Variants in AXIN2 observed in about 807,000 individuals in gnomAD.
AXIN2 encodes axin-2.
Under a neutral mutation model 74.7 loss-of-function variants are expected in AXIN2, and 21 were observed. That is an observed-to-expected ratio of 0.28 (90% CI 0.20 to 0.40). The LOEUF is 0.40. Ranked by LOEUF, AXIN2 falls within the 10% of genes least tolerant of loss-of-function variation. The pLI is 1.00. For missense variants in AXIN2, 1,144 were observed against 1,111.1 expected (o/e 1.03, Z -0.42); for synonymous variants, 532 against 454.9 (o/e 1.17, Z -2.16).
At chr17:65,549,333 A>T (rs1013771817) in intron 3 of AXIN2, among the ~76,000 whole-genome samples, 187 bp downstream of exon 3, 3 of 152,206 alleles carry the variant, frequency 2.0e-5, no homozygotes, top group African/African-American at 4.8e-5. Flanking sequence ...TACCCTACCC[A>T]GATGACCATG....
chr17:65,551,645 T>A (rs902141181), intron 2 of AXIN2, among the ~76,000 whole-genome samples: 1 of 151,960 alleles, frequency 6.6e-6, no homozygotes, highest in South Asian at 2.1e-4. Flanking sequence ...GAAAAGAAGG[T>A]AGGAGAGGCA....
chr17:65,549,020 T>G (rs2044154644), intron 3 of AXIN2, among the ~76,000 whole-genome samples: 2 of 152,102 alleles, frequency 1.3e-5, no homozygotes, highest in Non-Finnish European at 1.5e-5. Flanking sequence ...ACACTGTGGC[T>G]CTTTAGAGAT....
In AXIN2 at chr17:65,537,003, G is replaced by A. The variant is rs1413003297; in HGVS notation, c.1773C>T (p.Ala591=). The A allele has an allele frequency of 6.2e-7, 1 of 1,611,704 alleles. No homozygotes were observed. Among genetic ancestry groups the A allele is most frequent in the East Asian group, 2.2e-5 (1 of 44,866 alleles). Residue 591 remains alanine (A), a synonymous_variant, in exon 7 of 11, where the codon GCC becomes GCT. Coordinates refer to ENST00000307078, the MANE Select transcript of AXIN2 (RefSeq NM_004655.4). ...RNGKGTEPGL[A]LPAREGGAPG... ...GGGCCCCTCCTTCCCTGGCGGGCAG[G>A]GCCAGGCCCGGCTCCGTGCCTTTCC...
intron 2 of AXIN2, among the ~76,000 whole-genome samples, chr17:65,550,538 G>A (rs1239622700): frequency 6.6e-6 from 1 of 152,162 alleles, no homozygotes; most frequent in Non-Finnish European, 1.5e-5. Context: ...GCGGGGAGGG[G>A]CAGATAGGTC....
At chr17:65,551,809 A>AGAGGAGCCG (rs1567764674) in intron 2 of AXIN2, among the ~76,000 whole-genome samples, 3 of 152,342 alleles carry the variant, frequency 2.0e-5, no homozygotes, top group Non-Finnish European at 2.9e-5. Context: ...AGGCCTTGTC[A>AGAGGAGCCG]GACTTGGCCA....
chr17:65,556,260 C>T (rs2044265396), intron 2 of AXIN2, among the ~76,000 whole-genome samples: 2 of 152,278 alleles, frequency 1.3e-5, no homozygotes, highest in African/African-American at 4.8e-5. Context: ...TCAGGAGGCC[C>T]CTGGAGAAGC....
rs967951809 is a variant in AXIN2, at chr17:65,559,705, G to A, written c.-116-969C>T. On this transcript the variant is annotated intron_variant, in intron 1 of 10. Transcript: ENST00000307078. Reference sequence around the variant, plus strand: ...ATTTCAAGCCTGTCTTTTTTCCAAAGAAAAAAGTCTTATCTAACCAATAAA... The same window carrying A: ...ATTTCAAGCCTGTCTTTTTTCCAAAAAAAAAAGTCTTATCTAACCAATAAA... 1.7e-4 allele frequency among the ~76,000 whole-genome samples: 26 copies of A among 152,244 alleles called. No individual in the cohort carries two copies. The East Asian group carries it at 5.0e-3, about 29-fold the overall frequency.
In AXIN2 at chr17:65,561,576, G is replaced by GCAGCCGGCTC. The variant is rs1445382694; in HGVS notation, c.-253_-244dup. 6.6e-6 allele frequency: 1 copy of GCAGCCGGCTC among 151,374 alleles called. No individual in the cohort carries two copies. The highest frequency in any genetic ancestry group is 6.6e-5 in the Admixed American group (1 of 15,154). The allele number at this position is 151,374 out of a possible 1,614,324, so 9.4% of individuals were successfully genotyped here. ...TGAGTTGCCAGGACCTTATCAAAGC[G>GCAGCCGGCTC]CAGCCGGCTCCAGCCGACTCCCCCG... On this transcript the variant is annotated 5_prime_UTR_variant, in exon 1 of 11. Coordinates refer to ENST00000307078, the MANE Select transcript of AXIN2 (RefSeq NM_004655.4).
chr17:65,549,679 A>C lies in AXIN2; in HGVS notation c.816-19T>G. 1 of 1,584,618 alleles carries C rather than the reference A, an allele frequency of 6.3e-7. No homozygotes were observed. The highest frequency in any genetic ancestry group is 1.2e-5 in the South Asian group (1 of 86,732). On this transcript the variant is annotated intron_variant, in intron 2 of 10. Transcript: ENST00000307078. Reference sequence around the variant, plus strand: ...GAAGGACCTATGGGCAAAGTACAAAAGTGGTTCAGTCACTGACCCTCACCA... The same window carrying C: ...GAAGGACCTATGGGCAAAGTACAAACGTGGTTCAGTCACTGACCCTCACCA...
rs568020615 is a variant in AXIN2, at chr17:65,545,485, C to T, written c.957-3928G>A. On this transcript the variant is annotated intron_variant, in intron 3 of 10. Coordinates refer to ENST00000307078, the MANE Select transcript of AXIN2 (RefSeq NM_004655.4). Reference sequence around the variant, plus strand: ...TGGGTGGGTCACGAAGTCAAGAGATCGAGACCATCCTGGCCAACATGGTGA... The same window carrying T: ...TGGGTGGGTCACGAAGTCAAGAGATTGAGACCATCCTGGCCAACATGGTGA... Among the ~76,000 whole-genome samples, 4 of 152,178 alleles carry T rather than the reference C, an allele frequency of 2.6e-5. No individual in the cohort carries two copies. In the East Asian group the frequency reaches 5.8e-4, roughly 22 times the overall value.
chr17:65,533,109 T>C (rs749618310), intron 10 of AXIN2, among the ~76,000 whole-genome samples: 1 of 152,156 alleles, frequency 6.6e-6, no homozygotes, highest in African/African-American at 2.4e-5. Flanking sequence ...GCCCTCATCC[T>C]CCTCAGCTCT....
At chr17:65,552,037 G>A (rs1214680159) in intron 2 of AXIN2, among the ~76,000 whole-genome samples, 1 of 13,752 alleles carries the variant, frequency 7.3e-5, no homozygotes, top group Non-Finnish European at 2.1e-4. Flanking sequence ...CGACCTCCTG[G>A]GATTTTTTTG....
chr17:65,551,952 T>C (rs1280995162), intron 2 of AXIN2, among the ~76,000 whole-genome samples: 1 of 152,202 alleles, frequency 6.6e-6, no homozygotes, highest in Non-Finnish European at 1.5e-5. Context: ...CTCAACACTT[T>C]TGACCAAGTG....
At chr17:65,551,482 C>T (rs915584637) in intron 2 of AXIN2, among the ~76,000 whole-genome samples, 7 of 152,034 alleles carry the variant, frequency 4.6e-5, no homozygotes, top group African/African-American at 1.4e-4. Context: ...GCCAGGGGAC[C>T]GGCAGGGAGA....
chr17:65,544,815 TG>T (rs1351053144), intron 3 of AXIN2, among the ~76,000 whole-genome samples: 4 of 152,226 alleles, frequency 2.6e-5, no homozygotes, highest in African/African-American at 9.6e-5. Flanking sequence ...CTTAGCCTTT[TG>T]ACTCCACCGT....
In AXIN2 at chr17:65,537,830, T is replaced by C. The variant is rs746253101; in HGVS notation, c.1206A>G (p.Glu402=). 1.3e-6 allele frequency: 2 copies of C among 1,555,006 alleles called. No individual in the cohort carries two copies. Among genetic ancestry groups the C allele is most frequent in the South Asian group, 1.2e-5 (1 of 81,834 alleles). ...GTGTGAGCTCGGAGCCCTCTCTCTC[T>C]TCATCCTGAAAGGGAAGACGTCAGA... is the stretch of plus-strand genomic sequence containing the variant. ...EERLQQIRED[E]EREGSELTLN... The change falls in exon 6 of 11, where the codon GAA becomes GAG. Residue 402 remains glutamate (E), a synonymous_variant. Transcript: ENST00000307078.
rs2144465052 is a variant in AXIN2, at chr17:65,537,675, G to A, written c.1361C>T (p.Ser454Phe). The A allele has an allele frequency of 6.4e-7, 1 of 1,558,036 alleles. No homozygotes were observed. Among genetic ancestry groups the A allele is most frequent in the Non-Finnish European group, 8.7e-7 (1 of 1,152,052 alleles). ...SRVLKTPGCQ[S>F]PGVGRYSPRS... ...GGGGCTATAGCGGCCTACGCCTGGA[G>A]ACTGGCAGCCAGGGGTCTTGAGGAC... The change falls in exon 6 of 11, where the codon TCT becomes TTT. Residue 454 changes from serine to phenylalanine, a missense_variant. Transcript: ENST00000307078.
At position 65,532,112 on chromosome 17, in the gene AXIN2, A is replaced by G. The variant is rs184881791; in HGVS notation, c.2405+1800T>C. On this transcript the variant is annotated intron_variant, in intron 10 of 10. Transcript: ENST00000307078. ...CTTCCCACAGCCTGATCCACTCAGG[A>G]AAGAACTGGAGAGGATCGGAGAGTT... Among the ~76,000 whole-genome samples the G allele has an allele frequency of 2.5e-3, 382 of 152,260 alleles. 2 individuals carry two copies. The highest frequency in any genetic ancestry group is 7.8e-3 in the African/African-American group (326 of 41,562).
rs1056609618 is a variant in AXIN2 at position 65,552,767 on chromosome 17, G to A, written c.816-3107C>T. Among the ~76,000 whole-genome samples the A allele has an allele frequency of 5.9e-5, 9 of 152,262 alleles. No individual in the cohort carries two copies. In the East Asian group the frequency reaches 7.7e-4, roughly 13 times the overall value. On this transcript the variant is annotated intron_variant, in intron 2 of 10. Transcript: ENST00000307078. ...GCCCCAGCCAGGCACGGTGACCCAC[G>A]CCTATAATCCCAGCACTTTGGGAGG... is the stretch of plus-strand genomic sequence containing the variant.
Sources: gnomAD v4.1 joint callset for allele counts (sites outside exome capture counted in the v4.1 genomes callset) on GRCh38, gnomAD v4.1.1 for gene constraint, MANE v1.5 for transcripts, NCBI Gene and HGNC (gene_info 2026-07-23, HGNC 2026-07-21) for gene names.